Variants in PTPRD observed in about 807,000 individuals in gnomAD.
PTPRD encodes protein tyrosine phosphatase receptor type D.
Under a neutral mutation model 214.5 loss-of-function variants are expected in PTPRD, and 34 were observed. That is an observed-to-expected ratio of 0.16 (90% CI 0.12 to 0.21). The LOEUF is 0.21. Ranked by LOEUF, PTPRD falls within the 10% of genes least tolerant of loss-of-function variation. PTPRD has a pLI of 1.00. For synonymous variants in PTPRD, 1,128 were observed against 845.7 expected, an observed-to-expected ratio of 1.33 and a Z score of -5.79; for missense variants, 2,545 against 2,398.7, an observed-to-expected ratio of 1.06 and a Z score of -1.27.
chr9:9,473,345 A>G (rs1475263049), intron 8 of PTPRD, among the ~76,000 whole-genome samples: 1 of 152,174 alleles, frequency 6.6e-6, no homozygotes, highest in Non-Finnish European at 1.5e-5. Context: ...TCCATTGTGC[A>G]TATATAACAC....
At chr9:8,447,183 T>C (rs2095763928) in intron 34 of PTPRD, among the ~76,000 whole-genome samples, 1 of 152,214 alleles carries the variant, frequency 6.6e-6, no homozygotes, top group Admixed American at 6.5e-5. Context: ...AATTTCTCCT[T>C]TTCTAGTCTC....
intron 7 of PTPRD, among the ~76,000 whole-genome samples, chr9:9,649,947 T>C (rs750626557): frequency 3.3e-5 from 5 of 152,098 alleles, no homozygotes; most frequent in African/African-American, 4.8e-5. Context: ...GTGCTAGCGA[T>C]AGAAAAAATG....
intron 8 of PTPRD, among the ~76,000 whole-genome samples, chr9:9,502,973 T>C (rs2096465343): frequency 1.3e-5 from 2 of 151,832 alleles, no homozygotes; most frequent in Admixed American, 1.3e-4. Flanking sequence ...GTGATGGAAA[T>C]ATCTTGTGTC....
chr9:9,660,871 G>T (rs1161256331), intron 7 of PTPRD, among the ~76,000 whole-genome samples: 1 of 151,892 alleles, frequency 6.6e-6, no homozygotes, highest in African/African-American at 2.4e-5. Context: ...TGAATCACTG[G>T]AAAGCTACGC....
chr9:9,437,162 G>A (rs989465238), intron 8 of PTPRD, among the ~76,000 whole-genome samples: 2 of 152,156 alleles, frequency 1.3e-5, no homozygotes, highest in African/African-American at 4.8e-5. Flanking sequence ...CTGAGAGGGC[G>A]ATGTTAAAAG....
chr9:10,242,216 G>A (rs2091216309), intron 3 of PTPRD, among the ~76,000 whole-genome samples: 1 of 151,894 alleles, frequency 6.6e-6, no homozygotes, highest in South Asian at 2.1e-4. Flanking sequence ...TGGAATAAGG[G>A]CAAGAGACAG....
intron 6 of PTPRD, among the ~76,000 whole-genome samples, chr9:9,756,091 G>A (rs1428350445): frequency 6.6e-6 from 1 of 151,832 alleles, no homozygotes. Flanking sequence ...TTTAGATTGA[G>A]GATATCTGGA....
intron 7 of PTPRD, among the ~76,000 whole-genome samples, chr9:9,635,593 G>A (rs1190790771): frequency 1.3e-5 from 2 of 152,094 alleles, no homozygotes; most frequent in African/African-American, 4.8e-5. Flanking sequence ...CAGATTTAAG[G>A]AACTCAAATG....
At chr9:9,733,474 G>A (rs2098235997) in intron 7 of PTPRD, among the ~76,000 whole-genome samples, 1 of 152,098 alleles carries the variant, frequency 6.6e-6, no homozygotes, top group African/African-American at 2.4e-5. Context: ...ACTGTTTGGT[G>A]GGAAGTGTGA....
chr9:10,116,070 T>C (rs1396484626), intron 3 of PTPRD, among the ~76,000 whole-genome samples: 1 of 152,144 alleles, frequency 6.6e-6, no homozygotes, highest in Non-Finnish European at 1.5e-5. Context: ...TGTTTGTATT[T>C]ATAATTATAT....
chr9:9,513,851 A>G (rs753623991), intron 8 of PTPRD, among the ~76,000 whole-genome samples: 2 of 152,028 alleles, frequency 1.3e-5, no homozygotes, highest in East Asian at 3.9e-4. Flanking sequence ...GCTGGTTTTT[A>G]TTAGCATTTT....
chr9:8,401,225 G>A (rs1449046758), intron 36 of PTPRD, among the ~76,000 whole-genome samples: 3 of 150,874 alleles, frequency 2.0e-5, no homozygotes, highest in Non-Finnish European at 4.4e-5. Context: ...AGTGCAGTGG[G>A]ACAATCTCAG....
rs151033442 is a variant in PTPRD at position 8,834,249 on chromosome 9, C to T, written c.-103-100303G>A. Among the ~76,000 whole-genome samples, 661 of 151,956 alleles carry T rather than the reference C, an allele frequency of 4.3e-3. 2 individuals are homozygous for T. The highest frequency in any genetic ancestry group is 6.4e-3 in the Non-Finnish European group (435 of 67,908). ...TATAACAGACAAGGAAGCTTTCTTA[C>T]GTAGATTTATTTTTAGATAGATTTT... On this transcript the variant is annotated intron_variant, in intron 11 of 45. Transcript: ENST00000381196.
chr9:8,571,452 G>A (rs575807819), intron 14 of PTPRD, among the ~76,000 whole-genome samples: 1 of 152,180 alleles, frequency 6.6e-6, no homozygotes, highest in African/African-American at 2.4e-5. Context: ...TTGGCATGCA[G>A]AACACCATCA....
chr9:8,742,434 T>C (rs1369418303), intron 11 of PTPRD, among the ~76,000 whole-genome samples: 1 of 152,172 alleles, frequency 6.6e-6, no homozygotes, highest in East Asian at 1.9e-4. Context: ...CATTTCTACA[T>C]CAATATAACT....
intron 12 of PTPRD, among the ~76,000 whole-genome samples, chr9:8,645,409 T>C (rs954790564): frequency 6.6e-6 from 1 of 152,210 alleles, no homozygotes; most frequent in Non-Finnish European, 1.5e-5. Context: ...AAAAGACAAA[T>C]ACCTCAATAC....
intron 3 of PTPRD, among the ~76,000 whole-genome samples, chr9:10,253,366 G>A (rs980585714): frequency 1.3e-5 from 2 of 152,146 alleles, no homozygotes; most frequent in African/African-American, 4.8e-5. Flanking sequence ...CTCTTATGGG[G>A]CCAGCTGAAG....
chr9:10,485,467 C>T (rs1240503080), intron 2 of PTPRD, among the ~76,000 whole-genome samples: 1 of 152,072 alleles, frequency 6.6e-6, no homozygotes, highest in Non-Finnish European at 1.5e-5. Flanking sequence ...GACATTTTAA[C>T]AATATTGATT....
At chr9:9,961,403 G>C (rs1439646952) in intron 4 of PTPRD, among the ~76,000 whole-genome samples, 2 of 152,098 alleles carry the variant, frequency 1.3e-5, no homozygotes, top group Non-Finnish European at 2.9e-5. Flanking sequence ...GAACAAACAA[G>C]AAGAATGATT....
Sources: gnomAD v4.1 joint callset for allele counts (sites outside exome capture counted in the v4.1 genomes callset) on GRCh38, gnomAD v4.1.1 for gene constraint, MANE v1.5 for transcripts, NCBI Gene and HGNC (gene_info 2026-07-23, HGNC 2026-07-21) for gene names.